PHF5A: variants seen among roughly 807,000 people sequenced by gnomAD.
PHF5A encodes the protein PHD finger protein 5A.
For missense variants in PHF5A, 24 were observed against 140.6 expected (o/e 0.17, Z 4.19); for synonymous variants, 52 against 46.0 (o/e 1.13, Z -0.52).
At chr22:41,463,747 A>AAG (rs1555885002) in intron 3 of PHF5A, among the ~76,000 whole-genome samples, 11 of 150,180 alleles carry the variant, frequency 7.3e-5, no homozygotes, top group Non-Finnish European at 1.5e-4. Flanking sequence ...AAAAAAAAAA[A>AAG]GCCAGGCATG....
chr22:41,468,314 C>T, intron 1 of PHF5A, 167 bp from the exon 2 acceptor site: 1 of 684,422 alleles, frequency 1.5e-6, no homozygotes, highest in Non-Finnish European at 2.5e-6. Flanking sequence ...AAACCTACAT[C>T]CAAGCACCCT....
Position 41,468,655 on chromosome 22 carries a change from G to T in PHF5A, c.-2C>A. 1 of 1,614,098 alleles carries T rather than the reference G, an allele frequency of 6.2e-7. No individual in the cohort carries two copies. The highest frequency in any genetic ancestry group is 8.5e-7 in the Non-Finnish European group (1 of 1,180,014). ...CAAATCAGGATGATGTTTAGCCATA[G>T]CTCCTAACTAAGCCGGCCACCGGAA... On this transcript the variant is annotated 5_prime_UTR_variant, in exon 1 of 4. Transcript: ENST00000216252.
chr22:41,460,889 T>C (rs916508105), intron 3 of PHF5A, among the ~76,000 whole-genome samples: 31 of 152,112 alleles, frequency 2.0e-4, no homozygotes, highest in African/African-American at 7.2e-4. Flanking sequence ...AGATCATTTA[T>C]AGGCCGGGCA....
At chr22:41,466,317 G>T (rs539006199) in intron 3 of PHF5A, among the ~76,000 whole-genome samples, 7 of 152,228 alleles carry the variant, frequency 4.6e-5, no homozygotes, top group Middle Eastern at 6.8e-3. Flanking sequence ...GCTCAGAGTT[G>T]AATAGAAAGT....
At chr22:41,460,585 A>C (rs1428089039) in intron 3 of PHF5A, 98 bp from the exon 4 acceptor site, 1 of 848,912 alleles carries the variant, frequency 1.2e-6, no homozygotes, top group Non-Finnish European at 1.8e-6. Flanking sequence ...ATGTGCCTTT[A>C]GTCCCAGCTA....
At chr22:41,465,259 C>A (rs1009334291) in intron 3 of PHF5A, among the ~76,000 whole-genome samples, 6 of 150,008 alleles carry the variant, frequency 4.0e-5, no homozygotes, top group African/African-American at 1.5e-4. Context: ...CTGACTGCAA[C>A]CTCTGCCTCC....
intron 3 of PHF5A, among the ~76,000 whole-genome samples, chr22:41,465,366 T>C (rs959889219): frequency 2.2e-4 from 33 of 151,778 alleles, no homozygotes; most frequent in African/African-American, 7.2e-4. Flanking sequence ...TTTCACCATG[T>C]TGGCCAGGCT....
chr22:41,465,164 C>T (rs1328903016), intron 3 of PHF5A, among the ~76,000 whole-genome samples: 1 of 152,000 alleles, frequency 6.6e-6, no homozygotes, highest in African/African-American at 2.4e-5. Context: ...ACAGAAGATT[C>T]AATGGTGTAC....
Position 41,460,384 on chromosome 22 carries a change from G to A in PHF5A, c.*14C>T, listed in dbSNP as rs1369794493. On this transcript the variant is annotated 3_prime_UTR_variant, in exon 4 of 4. Coordinates refer to ENST00000216252, the MANE Select transcript of PHF5A (RefSeq NM_032758.4). ...GCAGACTGATGTTGGGGGGAGGAAG[G>A]GGCCACCCACCAATCACCTCTTCTT... 3 of 1,584,094 alleles carry A rather than the reference G, an allele frequency of 1.9e-6. No individual in the cohort carries two copies. The highest frequency in any genetic ancestry group is 2.7e-5 in the African/African-American group (2 of 74,346).
intron 3 of PHF5A, 65 bp from the exon 4 acceptor site, chr22:41,460,552 A>G: frequency 7.3e-7 from 1 of 1,377,190 alleles, no homozygotes; most frequent in Non-Finnish European, 1.0e-6. Flanking sequence ...TTAAGATAAA[A>G]AATTTAAGCC....
intron 2 of PHF5A, 33 bp from the exon 3 acceptor site, chr22:41,467,647 G>A: frequency 1.2e-6 from 2 of 1,611,114 alleles, no homozygotes; most frequent in Middle Eastern, 1.7e-4. Flanking sequence ...ATGCTCACAA[G>A]TTCTTCAGTC....
chr22:41,468,484 A>G, intron 1 of PHF5A, 118 bp downstream of exon 1: 3 of 1,191,840 alleles, frequency 2.5e-6, no homozygotes, highest in East Asian at 4.9e-5. Flanking sequence ...CCCGCGCCTG[A>G]GAGGCGGGAA....
intron 3 of PHF5A, among the ~76,000 whole-genome samples, chr22:41,462,520 C>T (rs1439310616): frequency 2.0e-5 from 3 of 152,138 alleles, no homozygotes; most frequent in Non-Finnish European, 2.9e-5. Context: ...GCTAGGTGAA[C>T]CCAAGTAAGC....
intron 2 of PHF5A, 56 bp from the exon 3 acceptor site, chr22:41,467,670 C>G: frequency 6.3e-7 from 1 of 1,578,262 alleles, no homozygotes; most frequent in South Asian, 1.1e-5. Context: ...CTGCTATCTC[C>G]TGCCATGGGG....
chr22:41,463,526 G>A (rs553208230), intron 3 of PHF5A, among the ~76,000 whole-genome samples: 1 of 151,848 alleles, frequency 6.6e-6, no homozygotes, highest in African/African-American at 2.4e-5. Flanking sequence ...AGGAGTTCAA[G>A]ATCAGCCTAG....
Position 41,460,308 on chromosome 22 carries a change from G to A in PHF5A, c.*90C>T. On this transcript the variant is annotated 3_prime_UTR_variant, in exon 4 of 4. Transcript: ENST00000216252. ...GCAGGCACTCCTGGTGATGCTCTGG[G>A]CTCTGCTCCCTTTCTGCTGGTAGTA... 9.1e-7 allele frequency: 1 copy of A among 1,097,220 alleles called. No individual in the cohort carries two copies. The highest frequency in any genetic ancestry group is 3.1e-4 in the Middle Eastern group (1 of 3,220). The allele number at this position is 1,097,220 out of a possible 1,614,324, so 68.0% of individuals were successfully genotyped here.
chr22:41,465,410 G>A (rs1235389851), intron 3 of PHF5A, among the ~76,000 whole-genome samples: 3 of 152,014 alleles, frequency 2.0e-5, no homozygotes, highest in Admixed American at 6.6e-5. Context: ...TGATCCACCT[G>A]CCTCAACCTC....
chr22:41,463,455 G>A (rs1163232797), intron 3 of PHF5A, among the ~76,000 whole-genome samples: 5 of 151,918 alleles, frequency 3.3e-5, no homozygotes, highest in South Asian at 2.1e-4. Flanking sequence ...GGCTGGACAC[G>A]GTGGTCCATG....
chr22:41,460,294 T>A lies in PHF5A; in HGVS notation c.*104A>T. The A allele has an allele frequency of 1.1e-6, 1 of 911,062 alleles. No homozygotes were observed. Among genetic ancestry groups the A allele is most frequent in the Non-Finnish European group, 1.7e-6 (1 of 592,964 alleles). 56.4% of individuals were successfully genotyped at this position (911,062 alleles called of 1,614,324 possible). A position where few individuals can be genotyped will look rare whatever the true frequency, so the allele number is the denominator to read the frequency against. ...CTGCCAGTACACTAGCAGGCACTCC[T>A]GGTGATGCTCTGGGCTCTGCTCCCT... On this transcript the variant is annotated 3_prime_UTR_variant, in exon 4 of 4. Coordinates refer to ENST00000216252, the MANE Select transcript of PHF5A (RefSeq NM_032758.4).
Sources: allele counts gnomAD v4.1 joint callset (sites outside exome capture counted in the v4.1 genomes callset), GRCh38; gene constraint gnomAD v4.1.1; transcripts MANE v1.5; gene names NCBI Gene and HGNC (gene_info 2026-07-23, HGNC 2026-07-21).